The following MAGEC3 variants were observed in gnomAD, a reference collection of about 807,000 sequenced individuals.
MAGEC3 encodes melanoma-associated antigen C3.
A neutral mutation model predicts 35.3 loss-of-function variants in MAGEC3; 34 were observed. The ratio of observed to expected loss-of-function variants is 0.96; its 90% CI spans 0.73 to 1.28. MAGEC3 has a LOEUF of 1.28. Ranked by LOEUF, MAGEC3 falls within the 50% of genes most tolerant of loss-of-function variation. MAGEC3 has a pLI of 0.00. For synonymous variants in MAGEC3, 202 were observed against 185.6 expected, an observed-to-expected ratio of 1.09 and a Z score of -0.72; for missense variants, 561 against 483.6, an observed-to-expected ratio of 1.16 and a Z score of -1.50.
intron 4 of MAGEC3, 56 bp from the exon 5 acceptor site, chrX:141,895,213 G>T: frequency 1.8e-6 from 2 of 1,138,156 alleles, no homozygotes; most frequent in Non-Finnish European, 2.4e-6. Flanking sequence ...GCGGAGAGGT[G>T]GGGGGTGGTT....
chrX:141,891,679 A>T (rs1019426477), intron 4 of MAGEC3, among the ~76,000 whole-genome samples: 1 of 103,941 alleles, frequency 9.6e-6, no homozygotes, highest in Non-Finnish European at 2.0e-5. Flanking sequence ...ATATATATGC[A>T]TATATAAATA....
chrX:141,865,411 T>C, intron 1 of MAGEC3, 60 bp from the exon 2 acceptor site: 1 of 1,105,879 alleles, frequency 9.0e-7, no homozygotes, highest in East Asian at 3.1e-5. Flanking sequence ...AGAGTAGATC[T>C]TCCATCACAG....
At chrX:141,883,547 T>C (rs778329883) in intron 4 of MAGEC3, among the ~76,000 whole-genome samples, 7 of 112,371 alleles carry the variant, frequency 6.2e-5, no homozygotes, top group Non-Finnish European at 1.3e-4. Flanking sequence ...ATACTGGTTC[T>C]AGGGATGTAA....
chrX:141,894,842 A>C, intron 4 of MAGEC3: 1 of 897,619 alleles, frequency 1.1e-6, no homozygotes, highest in South Asian at 2.4e-5. Context: ...GGCGAAGGGC[A>C]GGGAAGTGGA....
chrX:141,879,299 A>G lies in MAGEC3; in HGVS notation c.383A>G (p.Asp128Gly), dbSNP rs1228765020. ...GTTAAGCAGAGGGAGGAACCCCAGG[A>G]CTGGCCACTCAACGAGAAGAGAACT... is the stretch of plus-strand genomic sequence containing the variant. ...VSVKQREEPQ[D>G]WPLNEKRTLW... is the part of the protein sequence containing the mutation. The change falls in exon 3 of 8, where the codon GAC (aspartate) becomes GGC (glycine). Residue 128 changes from aspartate (D) to glycine (G), a missense_variant. Transcript: ENST00000298296. The G allele has an allele frequency of 1.7e-6, 2 of 1,204,852 alleles. No homozygotes were observed. Among genetic ancestry groups the G allele is most frequent in the African/African-American group, 3.5e-5 (2 of 56,863 alleles).
chrX:141,876,027 G>A (rs17329329), intron 2 of MAGEC3, among the ~76,000 whole-genome samples: 13,870 of 111,678 alleles, frequency 0.12, 1,030 homozygotes, highest in East Asian at 0.28. Context: ...CCACAAGTCA[G>A]CCTTTTTTGG....
intron 2 of MAGEC3, 41 bp from the exon 3 acceptor site, chrX:141,879,134 G>T: frequency 8.8e-7 from 1 of 1,141,114 alleles, no homozygotes; most frequent in South Asian, 2.2e-5. Context: ...GAACACCCAT[G>T]ACTGGTAGTG....
chrX:141,849,965 A>G (rs35283776), intron 1 of MAGEC3, among the ~76,000 whole-genome samples: 54,133 of 110,023 alleles, frequency 0.49, 9,887 homozygotes, highest in Middle Eastern at 0.59. Flanking sequence ...AAGACATGCA[A>G]TCAACCTAGG....
At chrX:141,896,369 C>T (rs2018094842) in intron 6 of MAGEC3, 1 of 940,450 alleles carries the variant, frequency 1.1e-6, no homozygotes, top group African/African-American at 1.9e-5. Flanking sequence ...ACTGCCATTC[C>T]TGGTGCCTCA....
chrX:141,897,080 C>T lies in MAGEC3; in HGVS notation c.1322C>T (p.Thr441Ile). 1 of 1,211,547 alleles carries T rather than the reference C, an allele frequency of 8.3e-7. No individual in the cohort carries two copies. The highest frequency in any genetic ancestry group is 2.2e-5 in the Admixed American group (1 of 46,028). The change falls in exon 7 of 8, where the codon ACT becomes ATT. Residue 441 changes from threonine (T) to isoleucine (I), a missense_variant. Thr to Ile is a moderately conservative substitution (Grantham distance 89, BLOSUM62 -1). Coordinates refer to ENST00000298296, the MANE Select transcript of MAGEC3 (RefSeq NM_138702.1). ...AGCAGTGAAGAGGAGGATACAGCTA[C>T]TTGGCATGCCTTGCCAGAAAGTGAA... ...ESSSEEEDTA[T>I]WHALPESESL...
chrX:141,893,290 G>T (rs930595151), intron 4 of MAGEC3, among the ~76,000 whole-genome samples: 1 of 111,503 alleles, frequency 9.0e-6, no homozygotes, highest in Non-Finnish European at 1.9e-5. Flanking sequence ...AGTGAAAGAA[G>T]AAAATCTTAA....
chrX:141,849,395 C>T (rs189506648), intron 1 of MAGEC3, among the ~76,000 whole-genome samples: 479 of 110,872 alleles, frequency 4.3e-3, no homozygotes, highest in Non-Finnish European at 7.2e-3. Flanking sequence ...GCTAAGTCCC[C>T]AAAAGCAACA....
intron 2 of MAGEC3, among the ~76,000 whole-genome samples, chrX:141,874,738 C>T (rs2017909390): frequency 9.3e-6 from 1 of 107,701 alleles, no homozygotes; most frequent in Non-Finnish European, 1.9e-5. Flanking sequence ...TCAGTCATTG[C>T]TGATTTTAAT....
chrX:141,892,709 G>A (rs1470955591), intron 4 of MAGEC3, among the ~76,000 whole-genome samples: 1 of 111,638 alleles, frequency 9.0e-6, no homozygotes. Context: ...TTTGGGTTTG[G>A]TGATGACTTT....
rs765429774 is a variant in MAGEC3, at chrX:141,879,192, A to G, written c.276A>G (p.Ser92=). The G allele has an allele frequency of 1.7e-6, 2 of 1,190,053 alleles. No homozygotes were observed. The highest frequency in any genetic ancestry group is 3.0e-5 in the East Asian group (1 of 33,375). The change falls in exon 3 of 8, where the codon TCA becomes TCG. Residue 92 remains serine, a synonymous_variant. Transcript: ENST00000298296. The part of the protein sequence containing the change: ...PTYFKLWRTL[S]GSPGLQLSDL... ...GCTGCCAGCTCTGGAGGACCCTATC[A>G]GGGTCCCCAGGTTTACAACTTTCTG... is the stretch of plus-strand genomic sequence containing the variant.
intron 2 of MAGEC3, among the ~76,000 whole-genome samples, chrX:141,871,917 C>T (rs1028052276): frequency 1.9e-5 from 2 of 106,801 alleles, no homozygotes; most frequent in South Asian, 8.8e-4. Context: ...GCTGCTGGGG[C>T]AGAGGGTTCA....
intron 4 of MAGEC3, among the ~76,000 whole-genome samples, chrX:141,893,771 G>C (rs144651013): frequency 1.2e-3 from 127 of 106,187 alleles, no homozygotes; most frequent in African/African-American, 4.2e-3. Context: ...TTTTCTCTCT[G>C]TATTTTTGGA....
At chrX:141,879,961 C>T (rs764893852) in intron 3 of MAGEC3, among the ~76,000 whole-genome samples, 1 of 111,370 alleles carries the variant, frequency 9.0e-6, no homozygotes, top group South Asian at 3.8e-4. Flanking sequence ...AGGGGAAACG[C>T]CACCTCAGAG....
chrX:141,869,245 GT>G (rs1039704501), intron 2 of MAGEC3, among the ~76,000 whole-genome samples: 41 of 107,452 alleles, frequency 3.8e-4, no homozygotes, highest in African/African-American at 1.3e-3. Context: ...AAAATAACCA[GT>G]TTTTTTTTTA....
Sources: allele counts gnomAD v4.1 joint callset (sites outside exome capture counted in the v4.1 genomes callset), GRCh38; gene constraint gnomAD v4.1.1; transcripts MANE v1.5; gene names NCBI Gene and HGNC (gene_info 2026-07-23, HGNC 2026-07-21).